GSE1: variants seen among roughly 807,000 people sequenced by gnomAD.
The protein encoded by GSE1 is genetic suppressor element 1.
GSE1 carries 32 observed loss-of-function variants against 112.6 expected under a neutral mutation model. That is an observed-to-expected ratio of 0.28 (90% CI 0.21 to 0.38). GSE1 has a LOEUF of 0.38. Ranked by LOEUF, GSE1 falls within the 10% of genes least tolerant of loss-of-function variation. The pLI, the probability that GSE1 is intolerant of heterozygous loss-of-function variation, is 1.00. For synonymous variants in GSE1, 1,115 were observed against 735.6 expected (o/e 1.52, Z -8.35); for missense variants, 2,348 against 1,699.2 (o/e 1.38, Z -6.71).
intron 2 of GSE1, among the ~76,000 whole-genome samples, chr16:85,385,993 G>A (rs958339449): frequency 1.3e-5 from 2 of 152,186 alleles, no homozygotes; most frequent in African/African-American, 2.4e-5. Context: ...CCCATTCCCC[G>A]AGGGTACACC....
intron 1 of GSE1, among the ~76,000 whole-genome samples, chr16:85,325,006 C>T (rs2046196019): frequency 6.6e-6 from 1 of 152,070 alleles, no homozygotes; most frequent in Admixed American, 6.5e-5. Flanking sequence ...CTCACTCTGT[C>T]ACTGCAGCTG....
chr16:85,539,541 ACGGTGGGGGGTGCTTGTTTTGGCCTAAAG>A (rs2151203082), intron 2 of GSE1, among the ~76,000 whole-genome samples: 1 of 152,278 alleles, frequency 6.6e-6, no homozygotes, highest in South Asian at 2.1e-4. Flanking sequence ...CGAAATTATA[ACGGTGGGGGGTGCTTGTTTTGGCCTAAAG>A]GATTCAGCTT....
At chr16:85,554,134 G>C (rs375692982), upstream of GSE1, among the ~76,000 whole-genome samples, 2 of 152,042 alleles carry the variant, frequency 1.3e-5, no homozygotes, top group African/African-American at 2.4e-5. Flanking sequence ...CACATCAAGA[G>C]GCAGCTTTGC....
chr16:85,468,776 G>A (rs556505366), intron 2 of GSE1, among the ~76,000 whole-genome samples: 34 of 152,328 alleles, frequency 2.2e-4, no homozygotes, highest in South Asian at 1.2e-3. Context: ...ATGTCTAAGA[G>A]TATGAGCTGG....
At chr16:85,624,873 G>A (rs2048965483) in intron 1 of GSE1, among the ~76,000 whole-genome samples, 1 of 152,214 alleles carries the variant, frequency 6.6e-6, no homozygotes, top group Admixed American at 6.5e-5. Context: ...CGGCATGGGT[G>A]AGCCCCCGGC....
At chr16:85,246,404 TACACACAC>T (rs111501333) in intron 1 of GSE1, among the ~76,000 whole-genome samples, 1 of 55,304 alleles carries the variant, frequency 1.8e-5, no homozygotes, top group Admixed American at 2.5e-4. Flanking sequence ...ACACGCTGTC[TACACACAC>T]ACACACACAC....
chr16:85,519,770 C>G (rs2052117359), intron 2 of GSE1, among the ~76,000 whole-genome samples: 1 of 152,166 alleles, frequency 6.6e-6, no homozygotes, highest in Non-Finnish European at 1.5e-5. Context: ...ACCATATCAC[C>G]ACCGTTGTCA....
chr16:85,627,282 C>T (rs1006947622), intron 1 of GSE1, among the ~76,000 whole-genome samples: 4 of 151,532 alleles, frequency 2.6e-5, no homozygotes, highest in Admixed American at 6.6e-5. Context: ...GCTTCATTCT[C>T]CGTTTCCTGC....
chr16:85,422,585 A>G (rs2048874648), intron 2 of GSE1, among the ~76,000 whole-genome samples: 3 of 65,674 alleles, frequency 4.6e-5, no homozygotes, highest in Admixed American at 3.8e-4. Flanking sequence ...GGCCAAAAGA[A>G]AAAAAAAAAA....
chr16:85,656,718 A>C, intron 7 of GSE1, 53 bp downstream of exon 7: 1 of 1,446,012 alleles, frequency 6.9e-7, no homozygotes, highest in Non-Finnish European at 9.1e-7. Flanking sequence ...ACCCGCGGGG[A>C]GGAGCCCTGA....
chr16:85,330,556 C>G (rs538411238), intron 1 of GSE1, among the ~76,000 whole-genome samples: 24 of 152,358 alleles, frequency 1.6e-4, no homozygotes, highest in African/African-American at 5.8e-4. Flanking sequence ...GCAGGCGCCT[C>G]ACCTGGGGCA....
intron 2 of GSE1, among the ~76,000 whole-genome samples, chr16:85,434,473 A>C (rs2049197677): frequency 6.6e-6 from 1 of 152,164 alleles, no homozygotes; most frequent in South Asian, 2.1e-4. Flanking sequence ...ACAGATGAGG[A>C]AATTGAGGCA....
At chr16:85,446,419 C>G (rs2049513643) in intron 2 of GSE1, among the ~76,000 whole-genome samples, 2 of 152,176 alleles carry the variant, frequency 1.3e-5, no homozygotes, top group African/African-American at 4.8e-5. Context: ...CTGCTGTAAG[C>G]TCTTGGACCA....
chr16:85,248,317 C>T (rs1906086420), intron 1 of GSE1, among the ~76,000 whole-genome samples: 1 of 152,154 alleles, frequency 6.6e-6, no homozygotes, highest in South Asian at 2.1e-4. Flanking sequence ...ATTCTGGGTC[C>T]TTCTGTGTCC....
chr16:85,651,434 C>G (rs1034305778), intron 3 of GSE1, among the ~76,000 whole-genome samples: 7 of 152,268 alleles, frequency 4.6e-5, no homozygotes, highest in Admixed American at 1.3e-4. Flanking sequence ...CCTGTTTGTC[C>G]TCAGCCAGGC....
chr16:85,556,091 G>A, exon 1 of GSE1: 1 of 984,068 alleles, frequency 1.0e-6, no homozygotes, highest in Non-Finnish European at 1.2e-6. Flanking sequence ...CAAGGTGGCC[G>A]AAATTGCCTG....
chr16:85,623,413 G>A (rs1036208185), intron 1 of GSE1, among the ~76,000 whole-genome samples: 3 of 152,084 alleles, frequency 2.0e-5, no homozygotes, highest in African/African-American at 7.2e-5. Flanking sequence ...TCTCTCCATG[G>A]TACTGACAGG....
At chr16:85,644,098 C>CGG (rs956407322) in intron 2 of GSE1, among the ~76,000 whole-genome samples, 1 of 152,056 alleles carries the variant, frequency 6.6e-6, no homozygotes, top group Admixed American at 6.5e-5. Flanking sequence ...GCAACTGAGG[C>CGG]GGGAGGATCG....
chr16:85,596,389 C>T (rs369114015), intron 1 of GSE1, among the ~76,000 whole-genome samples: 35 of 152,322 alleles, frequency 2.3e-4, no homozygotes, highest in African/African-American at 8.4e-4. Context: ...ACTCCCATGA[C>T]AGCAGCCGGG....
Sources: allele counts gnomAD v4.1 joint callset (sites outside exome capture counted in the v4.1 genomes callset), GRCh38; gene constraint gnomAD v4.1.1; transcripts MANE v1.5; gene names NCBI Gene and HGNC (gene_info 2026-07-23, HGNC 2026-07-21).